Variants in NLGN1 observed in about 807,000 individuals in gnomAD.
The protein encoded by NLGN1 is neuroligin 1, also known as neuroligin-1.
Under a neutral mutation model 65.5 loss-of-function variants are expected in NLGN1, and 12 were observed. The observed-to-expected ratio is 0.18, with a 90% CI of 0.12 to 0.30. The LOEUF (loss-of-function observed/expected upper bound fraction) is 0.30. Ranked by LOEUF, NLGN1 falls within the 10% of genes least tolerant of loss-of-function variation. NLGN1 has a pLI of 1.00. For missense variants in NLGN1, 750 were observed against 1,007.1 expected (o/e 0.74, Z 3.46); for synonymous variants, 350 against 359.5 (o/e 0.97, Z 0.30).
chr3:174,082,546 T>C (rs1460572495), intron 4 of NLGN1, among the ~76,000 whole-genome samples: 1 of 151,670 alleles, frequency 6.6e-6, no homozygotes, highest in East Asian at 1.9e-4. Context: ...GTTTAAGATA[T>C]AATAGTAAAT....
intron 4 of NLGN1, among the ~76,000 whole-genome samples, chr3:174,205,162 TTG>T (rs1279624552): frequency 6.6e-6 from 1 of 152,166 alleles, no homozygotes; most frequent in African/African-American, 2.4e-5. Flanking sequence ...TGAAAATACA[TTG>T]TGGTTTTTCT....
At chr3:174,258,422 G>A (rs565973590) in intron 4 of NLGN1, among the ~76,000 whole-genome samples, 7 of 152,166 alleles carry the variant, frequency 4.6e-5, no homozygotes, top group African/African-American at 1.2e-4. Context: ...ATCAACAGAC[G>A]TTAAGATTAG....
At chr3:173,475,840 G>A (rs769539535) in intron 2 of NLGN1, among the ~76,000 whole-genome samples, 1 of 152,136 alleles carries the variant, frequency 6.6e-6, no homozygotes, top group African/African-American at 2.4e-5. Context: ...TTCTAAAAGA[G>A]AACAACTGCA....
intron 2 of NLGN1, among the ~76,000 whole-genome samples, chr3:173,513,147 C>G (rs765711676): frequency 2.2e-4 from 33 of 152,226 alleles, no homozygotes; most frequent in Admixed American, 1.4e-3. Flanking sequence ...ATAGTTTCTC[C>G]TGAGGGCAGA....
intron 3 of NLGN1, among the ~76,000 whole-genome samples, chr3:173,615,676 C>T (rs558881881): frequency 4.1e-4 from 62 of 151,794 alleles, no homozygotes; most frequent in African/African-American, 1.4e-3. Context: ...ATTATATCAG[C>T]CCTGTTGCCT....
chr3:174,116,535 A>C (rs1239455641), intron 4 of NLGN1, among the ~76,000 whole-genome samples: 1 of 151,410 alleles, frequency 6.6e-6, no homozygotes, highest in Non-Finnish European at 1.5e-5. Context: ...ACAGGATTTC[A>C]CTATGTTGTC....
At chr3:173,731,413 G>T (rs575509267) in intron 3 of NLGN1, among the ~76,000 whole-genome samples, 46 of 151,968 alleles carry the variant, frequency 3.0e-4, no homozygotes, top group African/African-American at 1.1e-3. Flanking sequence ...TGCACAAATC[G>T]TATAAAATAT....
chr3:173,810,683 A>C (rs1225523929), intron 4 of NLGN1, among the ~76,000 whole-genome samples: 2 of 152,218 alleles, frequency 1.3e-5, no homozygotes, highest in African/African-American at 4.8e-5. Context: ...TTTAATTAGA[A>C]AATTCGTACA....
intron 3 of NLGN1, among the ~76,000 whole-genome samples, chr3:173,784,855 C>T (rs750193296): frequency 2.6e-5 from 4 of 152,086 alleles, no homozygotes; most frequent in Non-Finnish European, 5.9e-5. Flanking sequence ...GCAAGTCACG[C>T]AAATAAGCAT....
chr3:174,259,383 C>G (rs1746413878), intron 4 of NLGN1, among the ~76,000 whole-genome samples: 1 of 151,964 alleles, frequency 6.6e-6, no homozygotes, highest in Non-Finnish European at 1.5e-5. Flanking sequence ...CTCTTGCTCT[C>G]TCTCTCTCCC....
intron 5 of NLGN1, 109 bp downstream of exon 5, chr3:174,275,636 A>G (rs906716434): frequency 3.0e-6 from 2 of 675,880 alleles, no homozygotes; most frequent in African/African-American, 3.6e-5. Context: ...TGTTAGGTTG[A>G]ACTCAATAGT....
At chr3:173,462,128 A>G (rs1171465648) in intron 2 of NLGN1, among the ~76,000 whole-genome samples, 1 of 152,184 alleles carries the variant, frequency 6.6e-6, no homozygotes. Flanking sequence ...GAATTCCTAT[A>G]AAAGTCTTTC....
At chr3:173,762,124 G>A (rs1391506075) in intron 3 of NLGN1, among the ~76,000 whole-genome samples, 1 of 152,032 alleles carries the variant, frequency 6.6e-6, no homozygotes, top group Non-Finnish European at 1.5e-5. Context: ...TAAGCCAAAG[G>A]TAGCTTGGAT....
At chr3:173,641,551 A>G (rs1466404998) in intron 3 of NLGN1, among the ~76,000 whole-genome samples, 1 of 152,154 alleles carries the variant, frequency 6.6e-6, no homozygotes, top group Non-Finnish European at 1.5e-5. Flanking sequence ...TAAGCCTCCC[A>G]AAGTGCTGGA....
chr3:173,655,151 A>AG (rs1288161495), intron 3 of NLGN1, among the ~76,000 whole-genome samples: 3 of 152,178 alleles, frequency 2.0e-5, no homozygotes, highest in African/African-American at 4.8e-5. Flanking sequence ...GGACCTCAGA[A>AG]GGGGAAAAGC....
intron 4 of NLGN1, among the ~76,000 whole-genome samples, chr3:173,966,343 G>A (rs1314031292): frequency 6.6e-6 from 1 of 152,140 alleles, no homozygotes; most frequent in Non-Finnish European, 1.5e-5. Flanking sequence ...TGCCAAGAGA[G>A]ATTTTCTTTT....
chr3:173,709,770 T>C (rs1768634728), intron 3 of NLGN1, among the ~76,000 whole-genome samples: 1 of 126,574 alleles, frequency 7.9e-6, no homozygotes, highest in African/African-American at 3.1e-5. Context: ...ACCATTGAAT[T>C]ACAGCCTGGG....
chr3:173,697,851 A>T (rs1232262381), intron 3 of NLGN1, among the ~76,000 whole-genome samples: 1 of 152,108 alleles, frequency 6.6e-6, no homozygotes, highest in Admixed American at 6.5e-5. Flanking sequence ...TTTCAATCTA[A>T]TATTATTTTT....
At chr3:174,170,501 T>C (rs923255778) in intron 4 of NLGN1, among the ~76,000 whole-genome samples, 5 of 152,202 alleles carry the variant, frequency 3.3e-5, no homozygotes, top group Non-Finnish European at 7.3e-5. Context: ...AAGAAAGTAC[T>C]TCAAACAGTC....
Sources: gnomAD v4.1 joint callset for allele counts (sites outside exome capture counted in the v4.1 genomes callset) on GRCh38, gnomAD v4.1.1 for gene constraint, MANE v1.5 for transcripts, NCBI Gene and HGNC (gene_info 2026-07-23, HGNC 2026-07-21) for gene names.